Variants in FAM174B observed in about 807,000 individuals in gnomAD.
FAM174B encodes family with sequence similarity 174 member B.
In FAM174B, 12 loss-of-function variants were observed where a neutral mutation model predicts 10.9. The ratio of observed to expected loss-of-function variants is 1.10; its 90% confidence interval spans 0.71 to 1.79. The LOEUF is 1.79. Ranked by LOEUF, FAM174B falls within the 40% of genes most tolerant of loss-of-function variation. FAM174B has a pLI of 0.00. For missense variants in FAM174B, 266 were observed against 233.3 expected (o/e 1.14, Z -0.91); for synonymous variants, 132 against 115.8 (o/e 1.14, Z -0.90).
rs1290305465 is a variant in FAM174B at position 92,631,422 on chromosome 15, TATATA to T, written c.345-1082_345-1078del. ...ATATTATATTATATATAATATATAA[TATATA>T]ATATAATATATTATATATATAACAT... On this transcript the variant is annotated intron_variant, in intron 1 of 2. Transcript: ENST00000327355. Among the ~76,000 whole-genome samples, 26 of 50,810 alleles carry T rather than the reference TATATA, an allele frequency of 5.1e-4. 4 individuals carry two copies. The highest frequency in any genetic ancestry group is 1.6e-3 in the Admixed American group (5 of 3,138). The allele number at this position is 50,810 out of a possible 152,430, so 33.3% of individuals were successfully genotyped here.
intron 2 of FAM174B, among the ~76,000 whole-genome samples, chr15:92,623,657 T>C (rs1221679799): frequency 1.4e-4 from 21 of 152,172 alleles, no homozygotes; most frequent in Non-Finnish European, 2.9e-5. Context: ...TCTGGCACCC[T>C]GGCAGCTGAC....
chr15:92,633,622 A>G (rs543386218), intron 1 of FAM174B, among the ~76,000 whole-genome samples: 3 of 152,182 alleles, frequency 2.0e-5, no homozygotes, highest in Admixed American at 6.5e-5. Context: ...TGAACACAGG[A>G]TAAAGCATGG....
chr15:92,649,183 G>A (rs561769118), intron 1 of FAM174B, among the ~76,000 whole-genome samples: 116 of 152,340 alleles, frequency 7.6e-4, no homozygotes, highest in Non-Finnish European at 1.3e-3. Context: ...GAAAGTCTAT[G>A]GGTAATGCCA....
intron 2 of FAM174B, among the ~76,000 whole-genome samples, chr15:92,628,155 T>C (rs1330147587): frequency 6.8e-6 from 1 of 146,574 alleles, no homozygotes; most frequent in Non-Finnish European, 1.5e-5. Flanking sequence ...CATTGTTGTA[T>C]TGTTTTTTTC....
At chr15:92,636,395 A>G (rs562216170) in intron 1 of FAM174B, among the ~76,000 whole-genome samples, 17 of 152,310 alleles carry the variant, frequency 1.1e-4, no homozygotes, top group Middle Eastern at 6.8e-3. Flanking sequence ...ATCAAATGTA[A>G]AACATCTAAA....
chr15:92,631,434 T>A (rs371417298), intron 1 of FAM174B, among the ~76,000 whole-genome samples: 701 of 35,562 alleles, frequency 0.02, 50 homozygotes, highest in African/African-American at 0.039. Flanking sequence ...TATAATATAA[T>A]ATATTATATA....
At position 92,618,839 on chromosome 15, in the gene FAM174B, T is replaced by TAAAA. The variant is rs1196213665; in HGVS notation, c.*616_*617insTTTT. On this transcript the variant is annotated 3_prime_UTR_variant, in exon 3 of 3. Coordinates refer to ENST00000327355, the MANE Select transcript of FAM174B (RefSeq NM_207446.3). ...GATTTCTGCTGAACCTTTTTTTTTTTTAAAAAAAAAAAAAAAGGAAGAAAG... is the reference window on the plus strand; with the variant it reads ...GATTTCTGCTGAACCTTTTTTTTTTTAAAATAAAAAAAAAAAAAAAGGAAGAAAG... 9.1e-4 allele frequency: 124 copies of TAAAA among 136,654 alleles called. 1 individual carries two copies. In the East Asian group the frequency reaches 0.023, roughly 25 times the overall value. The allele number at this position is 136,654 out of a possible 1,614,324, so 8.5% of individuals were successfully genotyped here.
chr15:92,621,625 T>C (rs533917319), intron 2 of FAM174B, among the ~76,000 whole-genome samples: 3 of 146,102 alleles, frequency 2.1e-5, no homozygotes, highest in East Asian at 2.0e-4. Context: ...AAAAAAAAAA[T>C]TGAGTATCTT....
In FAM174B at chr15:92,618,937, C is replaced by T; in HGVS notation, c.*519G>A. 1 of 529,208 alleles carries T rather than the reference C, an allele frequency of 1.9e-6. No homozygotes were observed. 32.8% of individuals were successfully genotyped at this position (529,208 alleles called of 1,614,324 possible). ...TAAGCACATCCACCTTGAACTCTGA[C>T]ACAGGTAACGCCAAAATGAGGCCAG... On this transcript the variant is annotated 3_prime_UTR_variant, in exon 3 of 3. Coordinates refer to ENST00000327355, the MANE Select transcript of FAM174B (RefSeq NM_207446.3).
At chr15:92,647,160 G>T (rs2050933899) in intron 1 of FAM174B, among the ~76,000 whole-genome samples, 1 of 152,160 alleles carries the variant, frequency 6.6e-6, no homozygotes, top group South Asian at 2.1e-4. Context: ...AATACTAGTT[G>T]CTATTATTGT....
intron 2 of FAM174B, among the ~76,000 whole-genome samples, chr15:92,626,376 C>T (rs2050753120): frequency 6.6e-6 from 1 of 151,998 alleles, no homozygotes; most frequent in Admixed American, 6.6e-5. Context: ...GGATTATAGG[C>T]GCGTGCCACC....
intron 2 of FAM174B, among the ~76,000 whole-genome samples, chr15:92,625,295 T>C (rs2050745984): frequency 2.0e-5 from 3 of 152,142 alleles, no homozygotes; most frequent in South Asian, 2.1e-4. Context: ...AGTCACAAGA[T>C]GTTACCAGAG....
chr15:92,645,882 G>A (rs951666235), intron 1 of FAM174B, among the ~76,000 whole-genome samples: 2 of 152,120 alleles, frequency 1.3e-5, no homozygotes, highest in Non-Finnish European at 2.9e-5. Flanking sequence ...ACTCCTTCTA[G>A]GCAGATGCTC....
intron 2 of FAM174B, among the ~76,000 whole-genome samples, chr15:92,628,262 T>C (rs1015747392): frequency 6.6e-6 from 1 of 151,066 alleles, no homozygotes; most frequent in Admixed American, 6.6e-5. Flanking sequence ...TCTCCCAGGC[T>C]CCAGTGATCC....
chr15:92,638,874 A>G (rs285761), intron 1 of FAM174B, among the ~76,000 whole-genome samples: 49,054 of 152,094 alleles, frequency 0.32, 8,067 homozygotes, highest in Middle Eastern at 0.39. Context: ...CTGTCTACAC[A>G]TGACCTCCAG....
chr15:92,629,422 G>A (rs752913691), intron 2 of FAM174B, among the ~76,000 whole-genome samples: 2 of 152,112 alleles, frequency 1.3e-5, no homozygotes, highest in African/African-American at 4.8e-5. Context: ...GGAGCTCATC[G>A]GTAAACTCCA....
intron 1 of FAM174B, among the ~76,000 whole-genome samples, chr15:92,637,007 G>T (rs967691084): frequency 6.6e-6 from 1 of 152,122 alleles, no homozygotes; most frequent in Non-Finnish European, 1.5e-5. Flanking sequence ...GCCAGCCCAC[G>T]CCCACTTCCT....
intron 1 of FAM174B, chr15:92,634,414 G>A (rs1351330859): frequency 6.6e-6 from 1 of 152,234 alleles, no homozygotes; most frequent in African/African-American, 2.4e-5. Context: ...CCCTAGCCCT[G>A]CCTCATGGGA....
At chr15:92,648,699 G>T (rs1008754727) in intron 1 of FAM174B, among the ~76,000 whole-genome samples, 16 of 152,150 alleles carry the variant, frequency 1.1e-4, no homozygotes, top group Admixed American at 5.9e-4. Context: ...CTACCTGAGA[G>T]GGAGGGGTCT....
Sources: allele counts gnomAD v4.1 joint callset (sites outside exome capture counted in the v4.1 genomes callset), GRCh38; gene constraint gnomAD v4.1.1; transcripts MANE v1.5; gene names NCBI Gene and HGNC (gene_info 2026-07-23, HGNC 2026-07-21).